ACSL5: variants seen among roughly 807,000 people sequenced by gnomAD.
ACSL5 encodes acyl-CoA synthetase long chain family member 5, also known as long-chain-fatty-acid--CoA ligase 5.
Under a neutral mutation model 84.9 loss-of-function variants are expected in ACSL5, and 50 were observed. The observed-to-expected ratio is 0.59, with a 90% CI of 0.47 to 0.75. ACSL5 has a LOEUF of 0.75. ACSL5 is among the 30% of genes least tolerant of loss of function. The probability of loss-of-function intolerance (pLI) is 0.00; values close to 1 mark genes in which losing one functional copy is unlikely to be tolerated. For missense variants in ACSL5, 775 were observed against 830.4 expected (o/e 0.93, Z 0.82); for synonymous variants, 280 against 300.7 (o/e 0.93, Z 0.71).
chr10:112,388,039 A>G (rs116924245), intron 1 of ACSL5, among the ~76,000 whole-genome samples: 10,990 of 150,210 alleles, frequency 0.073, 603 homozygotes, highest in Non-Finnish European at 0.1. Context: ...CCCAGGTTCA[A>G]GGAATTCTTG....
At chr10:112,415,561 T>G (rs1844296010) in intron 12 of ACSL5, among the ~76,000 whole-genome samples, 1 of 152,232 alleles carries the variant, frequency 6.6e-6, no homozygotes, top group Non-Finnish European at 1.5e-5. Context: ...TTGAGGGAGA[T>G]TCTAAGAATG....
intron 17 of ACSL5, among the ~76,000 whole-genome samples, chr10:112,423,363 TA>T (rs1407824727): frequency 2.0e-5 from 3 of 148,116 alleles, no homozygotes; most frequent in Non-Finnish European, 3.0e-5. Flanking sequence ...AAGTCTTTCT[TA>T]AAAAAAAATT....
intron 13 of ACSL5, 97 bp downstream of exon 13, chr10:112,417,119 T>C (rs1321989725): frequency 1.4e-6 from 2 of 1,383,764 alleles, no homozygotes; most frequent in African/African-American, 2.9e-5. Flanking sequence ...AGCGTCACTT[T>C]AACTAGAGAT....
chr10:112,410,556 G>A, intron 8 of ACSL5, 28 bp from the exon 9 acceptor site: 2 of 1,614,126 alleles, frequency 1.2e-6, no homozygotes, highest in Non-Finnish European at 1.7e-6. Flanking sequence ...GTTCATGGTG[G>A]AATAAGCCCT....
At chr10:112,382,064 C>T (rs147368942) in intron 1 of ACSL5, among the ~76,000 whole-genome samples, 315 of 152,294 alleles carry the variant, frequency 2.1e-3, no homozygotes, top group Non-Finnish European at 3.2e-3. Context: ...TTGGCTTTAT[C>T]TTCTACTGGA....
At chr10:112,387,360 C>T (rs1286321697) in intron 1 of ACSL5, among the ~76,000 whole-genome samples, 1 of 152,224 alleles carries the variant, frequency 6.6e-6, no homozygotes, top group African/African-American at 2.4e-5. Context: ...GGTTCACGTT[C>T]ATAGCATATA....
At chr10:112,416,199 T>G (rs111776869) in intron 12 of ACSL5, among the ~76,000 whole-genome samples, 8 of 151,938 alleles carry the variant, frequency 5.3e-5, no homozygotes, top group African/African-American at 7.2e-5. Flanking sequence ...GGGCCGGGCG[T>G]GGTGGCTCAC....
At chr10:112,381,165 G>A (rs1263746200) in intron 1 of ACSL5, among the ~76,000 whole-genome samples, 3 of 152,116 alleles carry the variant, frequency 2.0e-5, no homozygotes, top group Non-Finnish European at 2.9e-5. Context: ...CCATACAGCC[G>A]TCTTAATGTG....
In ACSL5 at chr10:112,389,465, C is replaced by A. The variant is rs142659865; in HGVS notation, c.-29-5453C>A. ...TTGACATGGGACATCCTGGTGTGTA[C>A]TGGGGCTTGTTCAGCTATTTGTATA... On this transcript the variant is annotated intron_variant, in intron 1 of 20. Coordinates refer to ENST00000354655, the MANE Select transcript of ACSL5 (RefSeq NM_203379.2). Among the ~76,000 whole-genome samples, 308 of 152,260 alleles carry A rather than the reference C, an allele frequency of 2.0e-3. 12 individuals carry two copies. In the East Asian group the frequency reaches 0.05, roughly 25 times the overall value.
chr10:112,408,891 A>T (rs1391368079), intron 6 of ACSL5: 4 of 187,830 alleles, frequency 2.1e-5, no homozygotes, highest in African/African-American at 9.4e-5. Flanking sequence ...ATCCAAGTCA[A>T]TACAGTTAAC....
intron 1 of ACSL5, among the ~76,000 whole-genome samples, chr10:112,388,537 C>G (rs1304892995): frequency 1.3e-5 from 2 of 152,102 alleles, no homozygotes; most frequent in Non-Finnish European, 2.9e-5. Flanking sequence ...ATGGAATAAA[C>G]AATTGTGACC....
At position 112,422,453 on chromosome 10, in the gene ACSL5, A is replaced by C. The variant is rs749955269; in HGVS notation, c.1593+12A>C. 31 of 1,608,312 alleles carry C rather than the reference A, an allele frequency of 1.9e-5. No homozygotes were observed. Among genetic ancestry groups the C allele is most frequent in the African/African-American group, 1.1e-4 (8 of 74,776 alleles). On this transcript the variant is annotated intron_variant, in intron 17 of 20. Coordinates refer to ENST00000354655, the MANE Select transcript of ACSL5 (RefSeq NM_203379.2). The stretch of plus-strand genomic sequence containing the variant: ...GTCGCTGGCTCCCGGTAGGTATATC[A>C]TCAGAACTCCTGGAAGTCTATGCTA...
chr10:112,412,422 C>T (rs758618671), intron 11 of ACSL5: 11 of 161,400 alleles, frequency 6.8e-5, no homozygotes, highest in Middle Eastern at 3.2e-3. Flanking sequence ...TCCCCCGCGC[C>T]GGTTTTTGCA....
At chr10:112,389,215 G>A (rs1159959781) in intron 1 of ACSL5, among the ~76,000 whole-genome samples, 1 of 152,190 alleles carries the variant, frequency 6.6e-6, no homozygotes, top group Admixed American at 6.5e-5. Flanking sequence ...GAATGGTCCA[G>A]GAAGCATGCA....
At chr10:112,411,625 CAT>C (rs1307522248) in intron 10 of ACSL5, 96 bp downstream of exon 10, 54 of 794,900 alleles carry the variant, frequency 6.8e-5, no homozygotes, top group Middle Eastern at 3.1e-4. Flanking sequence ...CACACACACA[CAT>C]ACACACACAC....
At chr10:112,376,176 T>C (rs1849234277) in intron 1 of ACSL5, 2 of 1,281,998 alleles carry the variant, frequency 1.6e-6, no homozygotes, top group Admixed American at 4.4e-5. Context: ...ACACTTCCAC[T>C]TTCAGTTGTG....
intron 1 of ACSL5, among the ~76,000 whole-genome samples, chr10:112,390,392 G>A (rs998854905): frequency 1.3e-5 from 2 of 152,176 alleles, no homozygotes; most frequent in Non-Finnish European, 1.5e-5. Context: ...AGCAGTGTTA[G>A]GGAGAAGGGA....
intron 15 of ACSL5, 73 bp downstream of exon 15, chr10:112,421,738 G>A: frequency 6.7e-7 from 1 of 1,491,478 alleles, no homozygotes; most frequent in East Asian, 2.3e-5. Flanking sequence ...GGACTTTGGA[G>A]TTTAGATAAC....
intron 12 of ACSL5, among the ~76,000 whole-genome samples, chr10:112,415,292 C>T (rs530730623): frequency 1.5e-3 from 235 of 152,264 alleles, no homozygotes; most frequent in African/African-American, 5.1e-3. Flanking sequence ...CTCCACCTCC[C>T]GGGTTCGTGC....
Sources: allele counts gnomAD v4.1 joint callset (sites outside exome capture counted in the v4.1 genomes callset), GRCh38; gene constraint gnomAD v4.1.1; transcripts MANE v1.5; gene names NCBI Gene and HGNC (gene_info 2026-07-23, HGNC 2026-07-21).